The following MAP1S variants were observed in gnomAD, a reference collection of about 807,000 sequenced individuals.
The protein encoded by MAP1S is microtubule-associated protein 1S.
A neutral mutation model predicts 60.9 loss-of-function variants in MAP1S; 27 were observed. The ratio of observed to expected loss-of-function variants is 0.44; its 90% CI spans 0.33 to 0.61. The LOEUF is 0.61. Ranked by LOEUF, MAP1S falls within the 20% of genes least tolerant of loss-of-function variation. The probability of loss-of-function intolerance (pLI) is 0.03; values close to 1 mark genes in which losing one functional copy is unlikely to be tolerated. For synonymous variants in MAP1S, 826 were observed against 694.2 expected (o/e 1.19, Z -2.98); for missense variants, 1,608 against 1,486.6 (o/e 1.08, Z -1.34).
chr19:17,724,213 G>A lies in MAP1S; in HGVS notation c.303+5G>A, dbSNP rs373875297. 4 of 1,613,414 alleles carry A rather than the reference G, an allele frequency of 2.5e-6. No homozygotes were observed. The highest frequency in any genetic ancestry group is 3.4e-6 in the Non-Finnish European group (4 of 1,179,548). ...GACAAGTCCCTGTATGATGAGGTAG[G>A]GAATGGCTGACGTCCTGGAGGGGGC... On this transcript the variant is annotated splice_donor_5th_base_variant and intron_variant, in intron 3 of 6. Transcript: ENST00000324096.
chr19:17,720,219 G>GATGCGCCCGTGGGTGGAGATGGGTGTTC, intron 1 of MAP1S: 1 of 1,375,360 alleles, frequency 7.3e-7, no homozygotes, highest in African/African-American at 1.5e-5. Flanking sequence ...TGGCGGGCGT[G>GATGCGCCCGTGGGTGGAGATGGGTGTTC]ATGCGCCCGT....
At position 17,724,309 on chromosome 19, in the gene MAP1S, C is replaced by T. The variant is rs1410131277; in HGVS notation, c.303+101C>T. On this transcript the variant is annotated intron_variant, in intron 3 of 6. Coordinates refer to ENST00000324096, the MANE Select transcript of MAP1S (RefSeq NM_018174.6). ...TTGTCTTCATGCTGCCCCAGATCCT[C>T]TCAAGACACCCGGCACCACACTTCT... The T allele has an allele frequency of 9.8e-6, 9 of 922,974 alleles. No homozygotes were observed. In the East Asian group the frequency reaches 2.1e-4, roughly 22 times the overall value. The allele number at this position is 922,974 out of a possible 1,614,324, so 57.2% of individuals were successfully genotyped here.
At chr19:17,728,290 T>G in intron 5 of MAP1S, 118 bp downstream of exon 5, 1 of 1,178,320 alleles carries the variant, frequency 8.5e-7, no homozygotes, top group Non-Finnish European at 1.2e-6. Flanking sequence ...TCACTCTGTC[T>G]CTGAGCTGGA....
chr19:17,722,145 C>T (rs1188831216), intron 2 of MAP1S, among the ~76,000 whole-genome samples: 2 of 152,158 alleles, frequency 1.3e-5, no homozygotes, highest in African/African-American at 2.4e-5. Flanking sequence ...GGGGCAATAT[C>T]CCTGTGTGGC....
In MAP1S at chr19:17,726,201, T is replaced by C; in HGVS notation, c.817T>C (p.Ser273Pro). The C allele has an allele frequency of 6.2e-7, 1 of 1,611,912 alleles. No homozygotes were observed. Among genetic ancestry groups the C allele is most frequent in the South Asian group, 1.1e-5 (1 of 90,648 alleles). Residue 273 changes from serine (S) to proline (P), a missense_variant, in exon 5 of 7, where the codon TCC (serine) becomes CCC (proline). Physicochemically the swap from Ser to Pro is moderately conservative, Grantham distance 74. Transcript: ENST00000324096. ...GGTCAACGGTGGCTCAAACCCCAAG[T>C]CCAGTTTCTGGAAGCTGGTGCGGCA... ...VLVNGGSNPK[S>P]SFWKLVRHLD... is the part of the protein sequence containing the mutation.
At chr19:17,723,370 A>T (rs944995082) in intron 2 of MAP1S, among the ~76,000 whole-genome samples, 2 of 150,434 alleles carry the variant, frequency 1.3e-5, no homozygotes, top group Non-Finnish European at 2.9e-5. Flanking sequence ...CACATGTTAA[A>T]ACCCCGTCTC....
rs2080462081 is a variant in MAP1S at position 17,728,242 on chromosome 19, C to T, written c.2788+70C>T. 3 of 1,456,234 alleles carry T rather than the reference C, an allele frequency of 2.1e-6. No homozygotes were observed. In the Admixed American group the frequency reaches 7.6e-5, roughly 37 times the overall value. The allele number at this position is 1,456,234 out of a possible 1,614,324, so 90.2% of individuals were successfully genotyped here. A position where few individuals can be genotyped will look rare whatever the true frequency, so the allele number is the denominator to read the frequency against. On this transcript the variant is annotated intron_variant, in intron 5 of 6. Transcript: ENST00000324096. ...AGGCTGGAGAGCATAGCTCGTCCCCCTGTTTTTACATTTTCAGTTTTTTTA... is the reference window on the plus strand; with the variant it reads ...AGGCTGGAGAGCATAGCTCGTCCCCTTGTTTTTACATTTTCAGTTTTTTTA...
chr19:17,722,115 C>T (rs1421130613), intron 2 of MAP1S, among the ~76,000 whole-genome samples: 1 of 152,182 alleles, frequency 6.6e-6, no homozygotes, highest in Non-Finnish European at 1.5e-5. Context: ...TTCTTTATGC[C>T]TTGATTTCCC....
intron 5 of MAP1S, 35 bp from the exon 6 acceptor site, chr19:17,733,158 A>C: frequency 7.8e-6 from 10 of 1,278,422 alleles, no homozygotes; most frequent in African/African-American, 1.5e-5. Context: ...CAGCCCCAGG[A>C]GCTCATCCCT....
rs1161136730 is a variant in MAP1S at position 17,727,516 on chromosome 19, C to A, written c.2132C>A (p.Pro711His). 1.2e-5 allele frequency: 19 copies of A among 1,611,010 alleles called. No homozygotes were observed. The highest frequency in any genetic ancestry group is 1.6e-5 in the Non-Finnish European group (19 of 1,179,512). The part of the protein sequence containing the change: ...SFEQVLPPSA[P>H]TSEAGLSLPL... ...GAGCAGGTGCTGCCGCCATCCGCCC[C>A]CACCAGTGAGGCTGGGCTGAGCCTC... Residue 711 changes from proline (P) to histidine (H), a missense_variant, in exon 5 of 7, where the codon CCC (proline) becomes CAC (histidine). Physicochemically the swap from Pro to His is moderately conservative, Grantham distance 77. This residue lies in a region of MAP1S where 1,167 missense variants were observed against 961.4 expected (regional missense o/e 1.21). Transcript: ENST00000324096. The surrounding 1 kb of genome is among the most constrained non-coding windows in gnomAD (Gnocchi z 4.1).
intron 5 of MAP1S, among the ~76,000 whole-genome samples, chr19:17,732,327 G>A (rs1209220284): frequency 6.6e-5 from 10 of 152,158 alleles, no homozygotes; most frequent in Non-Finnish European, 1.0e-4. Flanking sequence ...GTATACAGAC[G>A]GGGTAGTACT....
chr19:17,726,292 G>C lies in MAP1S; in HGVS notation c.908G>C (p.Ser303Thr). ...PGADSLPGLN[S>T]LLRRKLAERS... is the part of the protein sequence containing the mutation. ...GCCGACAGCCTCCCCGGCCTCAACA[G>C]CCTGCTGCGGCGCAAACTGGCGGAG... Residue 303 changes from serine (S) to threonine (T), a missense_variant, in exon 5 of 7, where the codon AGC (serine) becomes ACC (threonine). Transcript: ENST00000324096. The C allele has an allele frequency of 6.2e-7, 1 of 1,607,182 alleles. No homozygotes were observed. Among genetic ancestry groups the C allele is most frequent in the Non-Finnish European group, 8.5e-7 (1 of 1,178,278 alleles).
intron 5 of MAP1S, among the ~76,000 whole-genome samples, chr19:17,732,162 C>T (rs550039273): frequency 6.0e-4 from 92 of 152,298 alleles, no homozygotes; most frequent in African/African-American, 2.1e-3. Flanking sequence ...TAGTGGCTTC[C>T]CCAGGGCTTT....
At position 17,733,238 on chromosome 19, in the gene MAP1S, C is replaced by A; in HGVS notation, c.2834C>A (p.Ser945Tyr). The A allele has an allele frequency of 6.4e-7, 1 of 1,550,988 alleles. No homozygotes were observed. Among genetic ancestry groups the A allele is most frequent in the South Asian group, 1.2e-5 (1 of 84,154 alleles). The change falls in exon 6 of 7, where the codon TCC becomes TAC. Residue 945 changes from serine to tyrosine, a missense_variant. Ser to Tyr is a moderately radical substitution (Grantham distance 144). Coordinates refer to ENST00000324096, the MANE Select transcript of MAP1S (RefSeq NM_018174.6). Reference protein sequence around the residue: ...RPGVSATPPKSPVYLDLAYLP... With the variant: ...RPGVSATPPKYPVYLDLAYLP... ...GGGGTGTCAGCCACCCCACCCAAGT[C>A]CCCGGTCTACCTGGACCTGGCCTAC...
intron 3 of MAP1S, 58 bp from the exon 4 acceptor site, chr19:17,724,991 G>T (rs1013077827): frequency 4.2e-5 from 67 of 1,611,456 alleles, no homozygotes; most frequent in Non-Finnish European, 5.5e-5. Flanking sequence ...CCCCAAAGAG[G>T]ACTGCTGGAT....
Position 17,727,044 on chromosome 19 carries a change from A to G in MAP1S, c.1660A>G (p.Thr554Ala). ...AASSVPNLKK[T>A]NAQAAPKPRK... The stretch of plus-strand genomic sequence containing the variant: ...CTCTTCTGTGCCCAACCTCAAGAAG[A>G]CGAATGCCCAGGCGGCACCCAAGCC... The change falls in exon 5 of 7, where the codon ACG becomes GCG. Residue 554 changes from threonine to alanine, a missense_variant. Thr to Ala is a moderately conservative substitution (Grantham distance 58). This residue lies in a region of MAP1S where 1,167 missense variants were observed against 961.4 expected (regional missense o/e 1.21). Coordinates refer to ENST00000324096, the MANE Select transcript of MAP1S (RefSeq NM_018174.6). This position sits in a 1 kb window ranked among gnomAD's most constrained non-coding sequence, Gnocchi z 4.1. 1 of 1,605,926 alleles carries G rather than the reference A, an allele frequency of 6.2e-7. No individual in the cohort carries two copies. Among genetic ancestry groups the G allele is most frequent in the Non-Finnish European group, 8.5e-7 (1 of 1,177,326 alleles).
At position 17,728,016 on chromosome 19, in the gene MAP1S, G is replaced by A. The variant is rs571005525; in HGVS notation, c.2632G>A (p.Ala878Thr). Residue 878 changes from alanine (A) to threonine (T), a missense_variant, in exon 5 of 7, where the codon GCC becomes ACC. Ala to Thr is a moderately conservative substitution (Grantham distance 58, BLOSUM62 0). Transcript: ENST00000324096. ...CAACTCACGCGCTGCCGCCCCCAAA[G>A]CCACTCCAGTGGCTGCTGCCAAAAC... ...RPNSRAAAPK[A>T]TPVAAAKTKG... 5 of 1,612,044 alleles carry A rather than the reference G, an allele frequency of 3.1e-6. No homozygotes were observed. In the South Asian group the frequency reaches 5.5e-5, roughly 18 times the overall value.
In MAP1S at chr19:17,726,337, G is replaced by C; in HGVS notation, c.953G>C (p.Gly318Ala). The C allele has an allele frequency of 6.2e-7, 1 of 1,602,680 alleles. No individual in the cohort carries two copies. The highest frequency in any genetic ancestry group is 2.2e-5 in the East Asian group (1 of 44,760). The change falls in exon 5 of 7, where the codon GGT becomes GCT. Residue 318 changes from glycine to alanine, a missense_variant. Gly to Ala is a moderately conservative substitution (Grantham distance 60). This residue lies in a region of MAP1S where 1,167 missense variants were observed against 961.4 expected (regional missense o/e 1.21). Transcript: ENST00000324096. Reference protein sequence around the residue: ...KLAERSEVAAGGGSWDDRLRR... With the variant: ...KLAERSEVAAAGGSWDDRLRR... The stretch of plus-strand genomic sequence containing the variant: ...GCGGAGCGCTCCGAGGTGGCTGCTG[G>C]TGGGGGCTCCTGGGACGACAGGCTG...
chr19:17,730,955 A>G (rs1002506428), intron 5 of MAP1S, among the ~76,000 whole-genome samples: 16 of 143,544 alleles, frequency 1.1e-4, no homozygotes, highest in African/African-American at 3.7e-4. Context: ...TGGGAGCACT[A>G]TCTTGGCTCA....
Sources: allele counts gnomAD v4.1 joint callset (sites outside exome capture counted in the v4.1 genomes callset), GRCh38; gene constraint gnomAD v4.1.1; regional missense constraint gnomAD v4.1.1; non-coding constraint Gnocchi (gnomAD v3.1); transcripts MANE v1.5; gene names NCBI Gene and HGNC (gene_info 2026-07-23, HGNC 2026-07-21).